Variants in RHOJ observed in about 807,000 individuals in gnomAD.
RHOJ encodes the protein rho-related GTP-binding protein RhoJ.
RHOJ carries 11 observed loss-of-function variants against 23.4 expected under a neutral mutation model. That is an observed-to-expected ratio of 0.47 (90% CI 0.30 to 0.78). RHOJ has a LOEUF of 0.78. RHOJ is among the 30% of genes least tolerant of loss of function. RHOJ has a pLI of 0.08. For synonymous variants in RHOJ, 102 were observed against 102.7 expected (o/e 0.99, Z 0.04); for missense variants, 254 against 273.4 (o/e 0.93, Z 0.50).
In RHOJ at chr14:63,267,260, G is replaced by A. The variant is rs530351372; in HGVS notation, c.179-1850G>A. On this transcript the variant is annotated intron_variant, in intron 1 of 4. Transcript: ENST00000316754. ...GCCATAGGAGAAAAGGGTGAGGCCC[G>A]AGGAAAAACAGACTGGAGAGAATGA... Among the ~76,000 whole-genome samples the A allele has an allele frequency of 3.6e-3, 548 of 152,308 alleles. 2 individuals carry two copies. Among genetic ancestry groups the A allele is most frequent in the African/African-American group, 0.013 (531 of 41,558 alleles).
At chr14:63,247,926 T>A (rs909630811) in intron 1 of RHOJ, among the ~76,000 whole-genome samples, 1 of 152,096 alleles carries the variant, frequency 6.6e-6, no homozygotes, top group Non-Finnish European at 1.5e-5. Context: ...AGACAGAGAA[T>A]AAGAGCCAAG....
chr14:63,260,390 A>G (rs1372912508), intron 1 of RHOJ, among the ~76,000 whole-genome samples: 2 of 152,160 alleles, frequency 1.3e-5, no homozygotes, highest in Non-Finnish European at 2.9e-5. Context: ...AGCCTAAAAT[A>G]AATCTGGATA....
At position 63,238,985 on chromosome 14, in the gene RHOJ, GCTATGTCACACC is replaced by G. The variant is rs1168918181; in HGVS notation, c.179-30121_179-30110del. On this transcript the variant is annotated intron_variant, in intron 1 of 4. Transcript: ENST00000316754. ...CATGCTCATAACCTTAAACCACTCT[GCTATGTCACACC>G]CTAGGCTGGAAAGTGGGGGCCCAAC... is the stretch of plus-strand genomic sequence containing the variant. Among the ~76,000 whole-genome samples the G allele has an allele frequency of 2.6e-5, 4 of 152,284 alleles. No individual in the cohort carries two copies. The East Asian group carries it at 5.8e-4, about 22-fold the overall frequency.
Position 63,290,670 on chromosome 14 carries a change from A to G in RHOJ, c.499-208A>G, listed in dbSNP as rs118156252. Among the ~76,000 whole-genome samples, 483 of 146,028 alleles carry G rather than the reference A, an allele frequency of 3.3e-3. 13 individuals are homozygous for G. In the East Asian group the frequency reaches 0.048, roughly 15 times the overall value. ...CATTTATTGCAAATAAAGGAAAGTA[A>G]AAAATACAAAAATACAAAAAAAAAA... is the stretch of plus-strand genomic sequence containing the variant. On this transcript the variant is annotated intron_variant, in intron 4 of 4. Transcript: ENST00000316754.
intron 2 of RHOJ, 117 bp downstream of exon 2, chr14:63,269,285 C>T: frequency 1.5e-6 from 1 of 651,738 alleles, no homozygotes; most frequent in Non-Finnish European, 2.7e-6. Context: ...TCATTTGGGG[C>T]CAATTTATTG....
intron 1 of RHOJ, among the ~76,000 whole-genome samples, chr14:63,220,709 G>A (rs75950651): frequency 0.053 from 7,993 of 152,096 alleles, 251 homozygotes; most frequent in East Asian, 0.11. Context: ...TTTTATATGC[G>A]GTTCCTCAAG....
At chr14:63,220,896 C>T (rs546252522) in intron 1 of RHOJ, among the ~76,000 whole-genome samples, 4 of 152,236 alleles carry the variant, frequency 2.6e-5, no homozygotes, top group East Asian at 1.9e-4. Context: ...AAAAGCAAAA[C>T]GGAATTTTTT....
intron 2 of RHOJ, among the ~76,000 whole-genome samples, chr14:63,279,281 C>T (rs567317805): frequency 5.9e-5 from 9 of 152,252 alleles, no homozygotes; most frequent in Middle Eastern, 3.4e-3. Context: ...TTTAGTTGCA[C>T]ATATAGTATA....
chr14:63,288,489 C>A (rs749007528), intron 4 of RHOJ, among the ~76,000 whole-genome samples: 13 of 152,250 alleles, frequency 8.5e-5, no homozygotes, highest in Admixed American at 3.3e-4. Context: ...ATTCAGTTGG[C>A]AACGCTGTTG....
At chr14:63,227,486 C>T (rs1894616565) in intron 1 of RHOJ, among the ~76,000 whole-genome samples, 1 of 152,066 alleles carries the variant, frequency 6.6e-6, no homozygotes, top group Non-Finnish European at 1.5e-5. Flanking sequence ...TTAGCACAAT[C>T]TTAATAAAAA....
At chr14:63,212,389 G>GT (rs1894257016) in intron 1 of RHOJ, among the ~76,000 whole-genome samples, 1 of 152,004 alleles carries the variant, frequency 6.6e-6, no homozygotes, top group Non-Finnish European at 1.5e-5. Flanking sequence ...TTTCCCACAT[G>GT]TAAAAAAAAC....
chr14:63,255,739 C>A (rs1362160141), intron 1 of RHOJ, among the ~76,000 whole-genome samples: 1 of 152,222 alleles, frequency 6.6e-6, no homozygotes, highest in Non-Finnish European at 1.5e-5. Flanking sequence ...CCACACATTT[C>A]TTGCAGCCTT....
chr14:63,214,615 G>A (rs1458865459), intron 1 of RHOJ, among the ~76,000 whole-genome samples: 3 of 152,168 alleles, frequency 2.0e-5, no homozygotes, highest in Admixed American at 6.5e-5. Flanking sequence ...TGCGGTGGGG[G>A]CATAGAGAGC....
chr14:63,250,308 G>A (rs1270494864), intron 1 of RHOJ, among the ~76,000 whole-genome samples: 3 of 152,044 alleles, frequency 2.0e-5, no homozygotes, highest in East Asian at 1.9e-4. Flanking sequence ...ACAGTGGCCC[G>A]AACATGGCTC....
chr14:63,219,973 T>A (rs1314649042), intron 1 of RHOJ, among the ~76,000 whole-genome samples: 2 of 152,216 alleles, frequency 1.3e-5, no homozygotes, highest in African/African-American at 4.8e-5. Flanking sequence ...GTAGTACTAT[T>A]TAAATTTCAT....
Position 63,217,662 on chromosome 14 carries a change from A to T in RHOJ, c.178+12615A>T, listed in dbSNP as rs76355344. 7.2e-3 allele frequency among the ~76,000 whole-genome samples: 1,091 copies of T among 152,308 alleles called. 13 individuals are homozygous for T. Among genetic ancestry groups the T allele is most frequent in the African/African-American group, 0.025 (1,050 of 41,554 alleles). On this transcript the variant is annotated intron_variant, in intron 1 of 4. Transcript: ENST00000316754. ...CTTCATGTCTAAAACACCAAAAGCA[A>T]TGCCAACAAAAGACAAAATTGACAA...
At position 63,242,124 on chromosome 14, in the gene RHOJ, ACTTT is replaced by A. The variant is rs1894893799; in HGVS notation, c.179-26979_179-26976del. On this transcript the variant is annotated intron_variant, in intron 1 of 4. Coordinates refer to ENST00000316754, the MANE Select transcript of RHOJ (RefSeq NM_020663.5). Reference sequence around the variant, plus strand: ...TTTAAAGTGAAAATGAAGCGTATATACTTTCTTTCTGGAATAGCCTAAGTGTAGT... The same window carrying A: ...TTTAAAGTGAAAATGAAGCGTATATACTTTCTGGAATAGCCTAAGTGTAGT... Among the ~76,000 whole-genome samples the A allele has an allele frequency of 1.3e-5, 2 of 152,200 alleles. 1 individual carries two copies. The highest frequency in any genetic ancestry group is 4.1e-4 in the South Asian group (2 of 4,826).
intron 1 of RHOJ, among the ~76,000 whole-genome samples, chr14:63,213,000 G>T (rs1238547733): frequency 6.6e-6 from 1 of 152,128 alleles, no homozygotes; most frequent in Non-Finnish European, 1.5e-5. Context: ...CCACCTAACA[G>T]CTAAGCCAAC....
At chr14:63,285,310 A>G (rs1456145337) in intron 4 of RHOJ, among the ~76,000 whole-genome samples, 1 of 152,148 alleles carries the variant, frequency 6.6e-6, no homozygotes. Context: ...CTGTGCTTTA[A>G]CCACCTGCTC....
Sources: allele counts gnomAD v4.1 joint callset (sites outside exome capture counted in the v4.1 genomes callset), GRCh38; gene constraint gnomAD v4.1.1; transcripts MANE v1.5; gene names NCBI Gene and HGNC (gene_info 2026-07-23, HGNC 2026-07-21).